The following PRKAR1A variants were observed in gnomAD, a reference collection of about 807,000 sequenced individuals.
The protein encoded by PRKAR1A is protein kinase cAMP-dependent type I regulatory subunit alpha.
In PRKAR1A, 3 loss-of-function variants were observed where a neutral mutation model predicts 52.0. That is an observed-to-expected ratio of 0.06 (90% confidence interval 0.03 to 0.15). The LOEUF (loss-of-function observed/expected upper bound fraction) is 0.15. Ranked by LOEUF, PRKAR1A falls within the 10% of genes least tolerant of loss-of-function variation. The pLI is 1.00. For missense variants in PRKAR1A, 240 were observed against 477.4 expected (o/e 0.50, Z 4.63); for synonymous variants, 188 against 168.4 (o/e 1.12, Z -0.90).
the PRKAR1A span, among the ~76,000 whole-genome samples, chr17:68,495,349 T>C: frequency 6.6e-6 from 1 of 152,254 alleles, no homozygotes; most frequent in South Asian, 2.1e-4. Context: ...TTCTTCTAGG[T>C]TCCTGAACCA....
At chr17:68,441,275 A>G in the PRKAR1A span, among the ~76,000 whole-genome samples, 1 of 152,216 alleles carries the variant, frequency 6.6e-6, no homozygotes, top group Non-Finnish European at 1.5e-5. Flanking sequence ...CGGGCATGAC[A>G]CAAACAGACA....
the PRKAR1A span, among the ~76,000 whole-genome samples, chr17:68,467,628 A>G: frequency 6.6e-6 from 1 of 152,170 alleles, no homozygotes; most frequent in South Asian, 2.1e-4. Flanking sequence ...CACTCTTGAC[A>G]CCTGGACAAT....
At chr17:68,534,675 C>T (rs559649496), downstream of PRKAR1A, among the ~76,000 whole-genome samples, 1 of 150,496 alleles carries the variant, frequency 6.6e-6, no homozygotes, top group East Asian at 2.0e-4. Context: ...TGAAAGAAGG[C>T]TGTGTTGTGC....
chr17:68,539,888 C>T, intron 11 of PRKAR1A: 2 of 1,614,120 alleles, frequency 1.2e-6, no homozygotes, highest in Non-Finnish European at 1.7e-6. Context: ...AGCTCACCCT[C>T]TGGCGTTGTC....
chr17:68,522,719 G>A (rs751094141), intron 2 of PRKAR1A, 37 bp from the exon 3 acceptor site: 8 of 1,611,204 alleles, frequency 5.0e-6, no homozygotes, highest in African/African-American at 2.7e-5. Flanking sequence ...TTTACATGCC[G>A]AAGGATCTCA....
downstream of PRKAR1A, chr17:68,537,253 C>CT (rs1307910496): frequency 1.4e-6 from 1 of 698,076 alleles, no homozygotes. This position sits in a 1 kb window ranked among gnomAD's most constrained non-coding sequence, Gnocchi z 4.2. Flanking sequence ...GAAGCCAGTG[C>CT]TTTTTGGGAA....
the PRKAR1A span, chr17:68,435,593 C>G: frequency 3.7e-6 from 6 of 1,610,598 alleles, no homozygotes; most frequent in South Asian, 5.5e-5. Context: ...GAAACCCAGA[C>G]AGAGGTGTTG....
the PRKAR1A span, chr17:68,448,288 C>T: frequency 1.2e-4 from 19 of 152,260 alleles, 1 homozygote; most frequent in Admixed American, 9.8e-4. Context: ...AAAGCAAACC[C>T]CCAATACTTC....
At chr17:68,420,155 G>A in the PRKAR1A span, 20 of 1,609,178 alleles carry the variant, frequency 1.2e-5, no homozygotes, top group Non-Finnish European at 1.7e-5. Flanking sequence ...AACTGTCAGG[G>A]TTAGCGAGGC....
chr17:68,417,924 G>A, the PRKAR1A span, among the ~76,000 whole-genome samples: 1 of 151,560 alleles, frequency 6.6e-6, no homozygotes, highest in East Asian at 1.9e-4. Context: ...TAGAGACGGG[G>A]TTTTACCATG....
At position 68,530,490 on chromosome 17, in the gene PRKAR1A, C is replaced by T. The variant is rs762442247; in HGVS notation, c.*41C>T. On this transcript the variant is annotated 3_prime_UTR_variant, in exon 11 of 11. Transcript: ENST00000589228. ...CCTCCCTTTTCTCCTCTCCCCAATC[C>T]ATGCTTCACTCATGCAAACTGCTTT... The T allele has an allele frequency of 9.9e-6, 16 of 1,613,742 alleles. No homozygotes were observed. The highest frequency in any genetic ancestry group is 1.6e-4 in the Middle Eastern group (1 of 6,082).
chr17:68,418,848 T>TA, the PRKAR1A span, among the ~76,000 whole-genome samples: 5 of 152,282 alleles, frequency 3.3e-5, no homozygotes, highest in South Asian at 1.0e-3. Flanking sequence ...GAGCAACTGA[T>TA]AAGTTTCTAT....
intron 7 of PRKAR1A, 142 bp downstream of exon 7, chr17:68,526,054 A>AATAAGCGAATATTTCTTTCTTTTG: frequency 8.7e-7 from 1 of 1,143,998 alleles, no homozygotes; most frequent in Non-Finnish European, 1.3e-6. Flanking sequence ...TTTTTCTTTT[A>AATAAGCGAATATTTCTTTCTTTTG]ATGAGCAAAT....
At chr17:68,435,631 C>T in the PRKAR1A span, 2 of 1,614,162 alleles carry the variant, frequency 1.2e-6, no homozygotes, top group Non-Finnish European at 1.7e-6. Flanking sequence ...TTTTCAGACG[C>T]ACTTGCTAGT....
Position 68,530,886 on chromosome 17 carries a change from C to T in PRKAR1A, c.*437C>T. The T allele has an allele frequency of 1.8e-6, 2 of 1,130,468 alleles. No homozygotes were observed. Among genetic ancestry groups the T allele is most frequent in the African/African-American group, 1.6e-5 (1 of 63,556 alleles). The allele number at this position is 1,130,468 out of a possible 1,614,324, so 70.0% of individuals were successfully genotyped here. On this transcript the variant is annotated 3_prime_UTR_variant, in exon 11 of 11. Transcript: ENST00000589228. ...TATTTCTTTGTAGAATAAATGGTTT[C>T]TCATTAAACTCTAAAGATTAGGGAA...
the PRKAR1A span, among the ~76,000 whole-genome samples, chr17:68,455,450 T>C: frequency 2.0e-5 from 3 of 151,936 alleles, no homozygotes; most frequent in Non-Finnish European, 4.4e-5. Context: ...GGGTTTGCTG[T>C]TTTCACCTAC....
At chr17:68,473,679 T>C in the PRKAR1A span, among the ~76,000 whole-genome samples, 2 of 152,144 alleles carry the variant, frequency 1.3e-5, no homozygotes, top group Non-Finnish European at 2.9e-5. Context: ...TGCGCCACCA[T>C]GCCTGGCTAT....
chr17:68,472,147 C>G, the PRKAR1A span, among the ~76,000 whole-genome samples: 1 of 152,146 alleles, frequency 6.6e-6, no homozygotes, highest in South Asian at 2.1e-4. Context: ...TGTGGTTCAG[C>G]TGTCTTCTTG....
the PRKAR1A span, among the ~76,000 whole-genome samples, chr17:68,495,361 C>T: frequency 1.3e-5 from 2 of 152,186 alleles, no homozygotes; most frequent in Non-Finnish European, 2.9e-5. Flanking sequence ...CCTGAACCAA[C>T]TATAGTCTTT....
Sources: gnomAD v4.1 joint callset for allele counts (sites outside exome capture counted in the v4.1 genomes callset) on GRCh38, gnomAD v4.1.1 for gene constraint, Gnocchi (gnomAD v3.1) non-coding constraint, MANE v1.5 for transcripts, NCBI Gene and HGNC (gene_info 2026-07-23, HGNC 2026-07-21) for gene names.